Variants in FBN1 observed in about 807,000 individuals in gnomAD.
FBN1 encodes fibrillin 1.
Under a neutral mutation model 365.1 loss-of-function variants are expected in FBN1, and 29 were observed. That is an observed-to-expected ratio of 0.08 (90% CI 0.06 to 0.11). The LOEUF is 0.11. Ranked by LOEUF, FBN1 falls within the 10% of genes least tolerant of loss-of-function variation. FBN1 has a pLI of 1.00. For missense variants in FBN1, 2,476 were observed against 3,703.2 expected, an observed-to-expected ratio of 0.67 and a Z score of 8.60; for synonymous variants, 1,210 against 1,270.5, an observed-to-expected ratio of 0.95 and a Z score of 1.01.
chr15:48,487,509 A>T, intron 27 of FBN1, 72 bp from the exon 28 acceptor site: 1 of 1,597,162 alleles, frequency 6.3e-7, no homozygotes, highest in Non-Finnish European at 8.5e-7. Flanking sequence ...CTCCTCCCCC[A>T]CCCATTGCTG....
intron 6 of FBN1, among the ~76,000 whole-genome samples, chr15:48,541,978 C>T (rs1217346401): frequency 1.3e-5 from 2 of 152,180 alleles, no homozygotes; most frequent in African/African-American, 2.4e-5. Flanking sequence ...TTTTAACTGG[C>T]TTACTCCAGT....
intron 6 of FBN1, among the ~76,000 whole-genome samples, chr15:48,581,541 GT>G (rs2044392157): frequency 6.6e-6 from 1 of 152,126 alleles, no homozygotes; most frequent in Non-Finnish European, 1.5e-5. Context: ...TAAGCCAAGT[GT>G]TTTCACCACA....
At chr15:48,555,171 TTTC>T (rs2044169914) in intron 6 of FBN1, among the ~76,000 whole-genome samples, 1 of 152,154 alleles carries the variant, frequency 6.6e-6, no homozygotes, top group South Asian at 2.1e-4. Flanking sequence ...TTTCCTGTGT[TTTC>T]TTCTTGATCC....
rs146857576 is a variant in FBN1 at position 48,644,352 on chromosome 15, C to A, written c.164+254G>T. ...CTTCTTCCCCAAGGAACTCTTCTCG[C>A]CTCCCAAAATCTGCCTCAACAATGG... On this transcript the variant is annotated intron_variant, in intron 2 of 65. Coordinates refer to ENST00000316623, the MANE Select transcript of FBN1 (RefSeq NM_000138.5). 204 of 565,152 alleles carry A rather than the reference C, an allele frequency of 3.6e-4. No individual in the cohort carries two copies. The East Asian group carries it at 6.1e-3, about 17-fold the overall frequency. 35.0% of individuals were successfully genotyped at this position (565,152 alleles called of 1,614,324 possible).
chr15:48,536,611 T>C (rs2044015662), intron 7 of FBN1, among the ~76,000 whole-genome samples: 1 of 152,244 alleles, frequency 6.6e-6, no homozygotes, highest in Non-Finnish European at 1.5e-5. Context: ...GGTGACTTAT[T>C]TCTTCTCCTG....
intron 6 of FBN1, among the ~76,000 whole-genome samples, chr15:48,592,202 TG>T (rs2099712490): frequency 6.6e-6 from 1 of 152,186 alleles, no homozygotes; most frequent in African/African-American, 2.4e-5. Context: ...AATGCTCTCC[TG>T]GTTCTCTTGC....
At position 48,532,492 on chromosome 15, in the gene FBN1, A is replaced by G. The variant is rs28583972; in HGVS notation, c.862+1588T>C. Among the ~76,000 whole-genome samples, 1,009 of 142,488 alleles carry G rather than the reference A, an allele frequency of 7.1e-3. 9 individuals are homozygous for G. The highest frequency in any genetic ancestry group is 0.025 in the African/African-American group (954 of 37,874). The allele number at this position is 142,488 out of a possible 152,430, so 93.5% of individuals were successfully genotyped here. ...TGTGTGTATATGTGTGTGTGTGTGT[A>G]TATATATATGTGTATGTGTGTGTGT... On this transcript the variant is annotated intron_variant, in intron 8 of 65. Coordinates refer to ENST00000316623, the MANE Select transcript of FBN1 (RefSeq NM_000138.5).
intron 26 of FBN1, 22 bp downstream of exon 26, chr15:48,488,346 C>T (rs760318480): frequency 6.2e-7 from 1 of 1,614,084 alleles, no homozygotes; most frequent in African/African-American, 1.3e-5. Flanking sequence ...CCTCTCCTGG[C>T]CCTTAAGGCT....
At chr15:48,507,146 A>C (rs1306568527) in intron 15 of FBN1, among the ~76,000 whole-genome samples, 1 of 152,172 alleles carries the variant, frequency 6.6e-6, no homozygotes, top group African/African-American at 2.4e-5. Flanking sequence ...AGGAGCCTAG[A>C]GGCATGAAGA....
intron 7 of FBN1, among the ~76,000 whole-genome samples, chr15:48,536,416 AG>A (rs1338801184): frequency 1.3e-5 from 2 of 152,176 alleles, no homozygotes; most frequent in Admixed American, 1.3e-4. Context: ...GGCAGTTAAA[AG>A]TCTAGCTCTC....
chr15:48,586,405 T>C (rs60208368), intron 6 of FBN1, among the ~76,000 whole-genome samples: 147 of 152,222 alleles, frequency 9.7e-4, no homozygotes, highest in African/African-American at 3.5e-3. Flanking sequence ...GACTTAAACT[T>C]GACCTTGAAA....
chr15:48,453,687 A>G (rs557664982), intron 44 of FBN1, among the ~76,000 whole-genome samples: 5 of 152,292 alleles, frequency 3.3e-5, no homozygotes, highest in African/African-American at 1.2e-4. Context: ...CGGAGATTCA[A>G]TTGTAACAAA....
chr15:48,456,303 C>T (rs2043237610), intron 44 of FBN1, among the ~76,000 whole-genome samples: 1 of 152,132 alleles, frequency 6.6e-6, no homozygotes. Flanking sequence ...GATGACTGTC[C>T]ACTCATACTG....
chr15:48,579,408 T>C (rs561283925), intron 6 of FBN1, among the ~76,000 whole-genome samples: 2 of 152,350 alleles, frequency 1.3e-5, no homozygotes, highest in East Asian at 1.9e-4. Context: ...ATTATTTTTC[T>C]TCTTATATTA....
intron 6 of FBN1, among the ~76,000 whole-genome samples, chr15:48,572,856 G>A (rs976986634): frequency 3.9e-5 from 6 of 152,170 alleles, no homozygotes; most frequent in Admixed American, 6.6e-5. Flanking sequence ...CAGGTAGACA[G>A]TTTAAATATG....
rs777219809 is a variant in FBN1, at chr15:48,520,802, T to C, written c.1004A>G (p.Tyr335Cys). 2 of 1,614,154 alleles carry C rather than the reference T, an allele frequency of 1.2e-6. No homozygotes were observed. Among genetic ancestry groups the C allele is most frequent in the Non-Finnish European group, 1.7e-6 (2 of 1,180,030 alleles). ...CCCGTTTGTCAGAGCTGTGTAACAG[T>C]ATCCTGGGCGAACATCTGAGGACAA... The part of the protein sequence containing the change: ...GTRCIDVRPG[Y>C]CYTALTNGRC... Residue 335 changes from tyrosine to cysteine, a missense_variant, in exon 10 of 66, where the codon TAC becomes TGC. Physicochemically the swap from Tyr to Cys is radical, Grantham distance 194. Transcript: ENST00000316623.
At chr15:48,515,989 C>T (rs952374344) in intron 11 of FBN1, among the ~76,000 whole-genome samples, 194 bp downstream of exon 11, 6 of 152,056 alleles carry the variant, frequency 3.9e-5, no homozygotes, top group African/African-American at 1.4e-4. Context: ...GAATAGGAAG[C>T]CTCCCGTTTT....
At chr15:48,473,170 T>C (rs963440753) in intron 34 of FBN1, among the ~76,000 whole-genome samples, 1 of 152,192 alleles carries the variant, frequency 6.6e-6, no homozygotes, top group Non-Finnish European at 1.5e-5. Context: ...AATTTGAATA[T>C]GTTCTCAAAA....
At chr15:48,618,113 G>A (rs965675243) in intron 2 of FBN1, among the ~76,000 whole-genome samples, 1 of 151,910 alleles carries the variant, frequency 6.6e-6, no homozygotes, top group Non-Finnish European at 1.5e-5. Context: ...AGCCCCTTAA[G>A]TATAAATCTG....
Sources: allele counts gnomAD v4.1 joint callset (sites outside exome capture counted in the v4.1 genomes callset), GRCh38; gene constraint gnomAD v4.1.1; transcripts MANE v1.5; gene names NCBI Gene and HGNC (gene_info 2026-07-23, HGNC 2026-07-21).